TNFRSF13C: variants seen among roughly 807,000 people sequenced by gnomAD.
TNFRSF13C encodes the protein tumor necrosis factor receptor superfamily member 13C.
TNFRSF13C carries 7 observed loss-of-function variants against 12.1 expected under a neutral mutation model. The observed-to-expected ratio is 0.58, with a 90% CI of 0.33 to 1.08. The LOEUF (loss-of-function observed/expected upper bound fraction) is 1.08, where lower values mean the gene tolerates loss of function less well. Among genes scored for constraint, TNFRSF13C ranks in the 50% least tolerant of loss-of-function variants. The pLI is 0.04. For missense variants in TNFRSF13C, 260 were observed against 265.9 expected (o/e 0.98, Z 0.15); for synonymous variants, 157 against 130.8 (o/e 1.20, Z -1.37).
chr22:41,926,658 C>G lies in TNFRSF13C; in HGVS notation c.116G>C (p.Arg39Pro). Residue 39 changes from arginine (R) to proline (P), a missense_variant, in exon 1 of 3, where the codon CGC (arginine) becomes CCC (proline). By Grantham distance (103) the Arg-to-Pro change is moderately radical (BLOSUM62 -2). Coordinates refer to ENST00000291232, the MANE Select transcript of TNFRSF13C (RefSeq NM_052945.4). The surrounding 1 kb of genome is among the most constrained non-coding windows in gnomAD (Gnocchi z 4.9). ...VRHCVACGLL[R>P]TPRPKPAGAS... ...CTTACCCGGTTTCGGCCGCGGCGTGCGCAGGAGCCCGCAGGCCACGCAGTG... is the reference window on the plus strand; with the variant it reads ...CTTACCCGGTTTCGGCCGCGGCGTGGGCAGGAGCCCGCAGGCCACGCAGTG... 2 of 1,461,698 alleles carry G rather than the reference C, an allele frequency of 1.4e-6. No homozygotes were observed. The highest frequency in any genetic ancestry group is 9.0e-7 in the Non-Finnish European group (1 of 1,111,948). 90.5% of individuals were successfully genotyped at this position (1,461,698 alleles called of 1,614,324 possible). A position where few individuals can be genotyped will look rare whatever the true frequency, so the allele number is the denominator to read the frequency against.
chr22:41,925,733 A>G (rs948011192), intron 2 of TNFRSF13C, among the ~76,000 whole-genome samples, 179 bp from the exon 3 acceptor site: 1 of 151,922 alleles, frequency 6.6e-6, no homozygotes, highest in Admixed American at 6.5e-5. Context: ...CAGGGCAGGG[A>G]GTTGGGGAGC....
Position 41,926,631 on chromosome 22 carries a change from C to G in TNFRSF13C, c.136+7G>C. 1 of 1,457,624 alleles carries G rather than the reference C, an allele frequency of 6.9e-7. No homozygotes were observed. Among genetic ancestry groups the G allele is most frequent in the Non-Finnish European group, 9.0e-7 (1 of 1,109,978 alleles). The allele number at this position is 1,457,624 out of a possible 1,614,324, so 90.3% of individuals were successfully genotyped here. A position where few individuals can be genotyped will look rare whatever the true frequency, so the allele number is the denominator to read the frequency against. On this transcript the variant is annotated splice_region_variant and intron_variant, in intron 1 of 2. Transcript: ENST00000291232. This position sits in a 1 kb window ranked among gnomAD's most constrained non-coding sequence, Gnocchi z 4.9. ...CCGGCGCCGCGCGCCCCGTGGGTCC[C>G]CCTTACCCGGTTTCGGCCGCGGCGT...
rs1188798277 is a variant in TNFRSF13C, at chr22:41,923,860, ATGGCATCTTAGGTTC to A, written c.*1492_*1506del. ...TCTGGAAGCTGCCACTGGGGTCAAA[ATGGCATCTTAGGTTC>A]TGGCAGATTGGGCCAATCTCAGGGT... On this transcript the variant is annotated 3_prime_UTR_variant, in exon 3 of 3. Transcript: ENST00000291232. 6.6e-6 allele frequency: 1 copy of A among 152,158 alleles called. No homozygotes were observed. Among genetic ancestry groups the A allele is most frequent in the East Asian group, 1.9e-4 (1 of 5,174 alleles). The allele number at this position is 152,158 out of a possible 1,614,324, so 9.4% of individuals were successfully genotyped here. A position where few individuals can be genotyped will look rare whatever the true frequency, so the allele number is the denominator to read the frequency against.
Position 41,926,413 on chromosome 22 carries a change from A to C in TNFRSF13C, c.137-82T>G. The C allele has an allele frequency of 2.4e-6, 1 of 422,654 alleles. No individual in the cohort carries two copies. The highest frequency in any genetic ancestry group is 3.0e-6 in the Non-Finnish European group (1 of 329,856). The allele number at this position is 422,654 out of a possible 1,614,324, so 26.2% of individuals were successfully genotyped here. On this transcript the variant is annotated intron_variant, in intron 1 of 2. Transcript: ENST00000291232. The surrounding 1 kb of genome is among the most constrained non-coding windows in gnomAD (Gnocchi z 4.9). ...GGACGGGGAGGGGCGGAGGGGGGCG[A>C]GGCTGGCCGGGGAGGGGAGGGACAG...
Position 41,926,032 on chromosome 22 carries a change from C to T in TNFRSF13C, c.367+69G>A. ...TCCCCCTCAGGGGCCATGCATCTCC[C>T]CCTAGACCGTCCCGACACCCCAGCC... On this transcript the variant is annotated intron_variant, in intron 2 of 2. Coordinates refer to ENST00000291232, the MANE Select transcript of TNFRSF13C (RefSeq NM_052945.4). This position sits in a 1 kb window ranked among gnomAD's most constrained non-coding sequence, Gnocchi z 4.9. The T allele has an allele frequency of 6.3e-7, 1 of 1,592,592 alleles. No homozygotes were observed. The highest frequency in any genetic ancestry group is 8.6e-7 in the Non-Finnish European group (1 of 1,165,764).
intron 2 of TNFRSF13C, 75 bp from the exon 3 acceptor site, chr22:41,925,629 G>T (rs1375986998): frequency 6.4e-7 from 1 of 1,568,918 alleles, no homozygotes; most frequent in African/African-American, 1.3e-5. Flanking sequence ...TCCTCTGGAG[G>T]GGCAGTCCTC....
Position 41,926,277 on chromosome 22 carries a change from C to A in TNFRSF13C, c.191G>T (p.Gly64Val), listed in dbSNP as rs547352394. The A allele has an allele frequency of 0.01, 15,399 of 1,488,228 alleles. 125 individuals are homozygous for A. The highest frequency in any genetic ancestry group is 0.02 in the Middle Eastern group (93 of 4,570). The allele number at this position is 1,488,228 out of a possible 1,614,324, so 92.2% of individuals were successfully genotyped here. A position where few individuals can be genotyped will look rare whatever the true frequency, so the allele number is the denominator to read the frequency against. Residue 64 changes from glycine (G) to valine (V), a missense_variant, in exon 2 of 3, where the codon GGC becomes GTC. Physicochemically the swap from Gly to Val is moderately radical, Grantham distance 109. Coordinates refer to ENST00000291232, the MANE Select transcript of TNFRSF13C (RefSeq NM_052945.4). The surrounding 1 kb of genome is among the most constrained non-coding windows in gnomAD (Gnocchi z 4.9). The stretch of plus-strand genomic sequence containing the variant: ...CAGCGCCGCCTCGCCGGCCCCCGCG[C>A]CCACCGACTCCTGCGGCTGCAGCGC... The part of the protein sequence containing the change: ...RTALQPQESV[G>V]AGAGEAALPL...
At chr22:41,925,681 T>C (rs2077625390) in intron 2 of TNFRSF13C, 127 bp from the exon 3 acceptor site, 1 of 1,170,288 alleles carries the variant, frequency 8.5e-7, no homozygotes, top group Non-Finnish European at 1.2e-6. Flanking sequence ...GGGTGGCACC[T>C]GGCTGACCCT....
In TNFRSF13C at chr22:41,926,025, C is replaced by G; in HGVS notation, c.367+76G>C. On this transcript the variant is annotated intron_variant, in intron 2 of 2. Transcript: ENST00000291232. This position sits in a 1 kb window ranked among gnomAD's most constrained non-coding sequence, Gnocchi z 4.9. ...CCTTCTCTCCCCCTCAGGGGCCATG[C>G]ATCTCCCCCTAGACCGTCCCGACAC... 5.7e-6 allele frequency: 9 copies of G among 1,567,628 alleles called. No individual in the cohort carries two copies. Among genetic ancestry groups the G allele is most frequent in the Non-Finnish European group, 7.9e-6 (9 of 1,145,032 alleles).
rs1375613610 is a variant in TNFRSF13C at position 41,924,879 on chromosome 22, G to A, written c.*488C>T. On this transcript the variant is annotated 3_prime_UTR_variant, in exon 3 of 3. Transcript: ENST00000291232. ...AGGCAGGAGAATCACTTGAACCAAG[G>A]AGTCGGAGGTTACAGTGAGGCGAGA... The A allele has an allele frequency of 6.9e-6, 1 of 145,928 alleles. No homozygotes were observed. The highest frequency in any genetic ancestry group is 2.6e-5 in the African/African-American group (1 of 38,752). 9.0% of individuals were successfully genotyped at this position (145,928 alleles called of 1,614,324 possible). A position where few individuals can be genotyped will look rare whatever the true frequency, so the allele number is the denominator to read the frequency against.
rs2077615172 is a variant in TNFRSF13C, at chr22:41,923,555, G to A, written c.*1812C>T. ...AGGATGGCCAAATAAGCCCAGCACTGGGGGGCCAGTGCTTCAGGGGAACAA... is the reference window on the plus strand; with the variant it reads ...AGGATGGCCAAATAAGCCCAGCACTAGGGGGCCAGTGCTTCAGGGGAACAA... On this transcript the variant is annotated 3_prime_UTR_variant, in exon 3 of 3. Transcript: ENST00000291232. 1.3e-5 allele frequency: 2 copies of A among 152,358 alleles called. No homozygotes were observed. Among genetic ancestry groups the A allele is most frequent in the Admixed American group, 6.6e-5 (1 of 15,254 alleles). 9.4% of individuals were successfully genotyped at this position (152,358 alleles called of 1,614,324 possible). A position where few individuals can be genotyped will look rare whatever the true frequency, so the allele number is the denominator to read the frequency against.
Position 41,925,519 on chromosome 22 carries a change from G to C in TNFRSF13C, c.403C>G (p.Pro135Ala), listed in dbSNP as rs1385697615. 1 of 1,613,286 alleles carries C rather than the reference G, an allele frequency of 6.2e-7. No homozygotes were observed. Among genetic ancestry groups the C allele is most frequent in the African/African-American group, 1.3e-5 (1 of 74,918 alleles). Residue 135 changes from proline to alanine, a missense_variant, in exon 3 of 3, where the codon CCG becomes GCG. Coordinates refer to ENST00000291232, the MANE Select transcript of TNFRSF13C (RefSeq NM_052945.4). The stretch of plus-strand genomic sequence containing the variant: ...GGAGCTGTGGCATCAGAGATTCCCG[G>C]AGACAGAATGATGACCTTGTCCAGG... Reference protein sequence around the residue: ...EPLDKVIILSPGISDATAPAW... With the variant: ...EPLDKVIILSAGISDATAPAW...
In TNFRSF13C at chr22:41,926,663, G is replaced by C. The variant is rs1385097676; in HGVS notation, c.111C>G (p.Leu37=). 1 of 1,463,116 alleles carries C rather than the reference G, an allele frequency of 6.8e-7. No homozygotes were observed. Among genetic ancestry groups the C allele is most frequent in the Non-Finnish European group, 9.0e-7 (1 of 1,112,736 alleles). 90.6% of individuals were successfully genotyped at this position (1,463,116 alleles called of 1,614,324 possible). A position where few individuals can be genotyped will look rare whatever the true frequency, so the allele number is the denominator to read the frequency against. ...LLVRHCVACG[L]LRTPRPKPAG... The stretch of plus-strand genomic sequence containing the variant: ...CCGGTTTCGGCCGCGGCGTGCGCAG[G>C]AGCCCGCAGGCCACGCAGTGGCGGA... The change falls in exon 1 of 3, where the codon CTC becomes CTG. Residue 37 remains leucine, a synonymous_variant. Coordinates refer to ENST00000291232, the MANE Select transcript of TNFRSF13C (RefSeq NM_052945.4). The surrounding 1 kb of genome is among the most constrained non-coding windows in gnomAD (Gnocchi z 4.9).
In TNFRSF13C at chr22:41,925,183, A is replaced by T; in HGVS notation, c.*184T>A. 6.0e-6 allele frequency: 4 copies of T among 663,410 alleles called. No individual in the cohort carries two copies. Among genetic ancestry groups the T allele is most frequent in the Non-Finnish European group, 7.5e-6 (3 of 401,858 alleles). The allele number at this position is 663,410 out of a possible 1,614,324, so 41.1% of individuals were successfully genotyped here. On this transcript the variant is annotated 3_prime_UTR_variant, in exon 3 of 3. Coordinates refer to ENST00000291232, the MANE Select transcript of TNFRSF13C (RefSeq NM_052945.4). ...CAAAGATGGTGAGGTCTGAAGCCAA[A>T]GGCAAGCACACCAAACTCCATGGGG...
In TNFRSF13C at chr22:41,924,013, T is replaced by C. The variant is rs1230346004; in HGVS notation, c.*1354A>G. 6.6e-6 allele frequency: 1 copy of C among 152,176 alleles called. No individual in the cohort carries two copies. Among genetic ancestry groups the C allele is most frequent in the East Asian group, 1.9e-4 (1 of 5,198 alleles). The allele number at this position is 152,176 out of a possible 1,614,324, so 9.4% of individuals were successfully genotyped here. A position where few individuals can be genotyped will look rare whatever the true frequency, so the allele number is the denominator to read the frequency against. On this transcript the variant is annotated 3_prime_UTR_variant, in exon 3 of 3. Transcript: ENST00000291232. ...ATCCCAAAGCAAGCGAACCCATGAA[T>C]TGATTATTCACTGCTGCCATTTGCA...
chr22:41,926,338 C>A lies in TNFRSF13C; in HGVS notation c.137-7G>T. 1 of 1,160,216 alleles carries A rather than the reference C, an allele frequency of 8.6e-7. No individual in the cohort carries two copies. The allele number at this position is 1,160,216 out of a possible 1,614,324, so 71.9% of individuals were successfully genotyped here. ...GCAGGGCTGCTGGCCCCGGCTGCTT[C>A]GGGAGGGGACAGGGAGGGAGGCCAG... On this transcript the variant is annotated splice_region_variant and splice_polypyrimidine_tract_variant and intron_variant, in intron 1 of 2. Transcript: ENST00000291232. The surrounding 1 kb of genome is among the most constrained non-coding windows in gnomAD (Gnocchi z 4.9).
chr22:41,926,097 T>G lies in TNFRSF13C; in HGVS notation c.367+4A>C. The G allele has an allele frequency of 6.2e-7, 1 of 1,612,462 alleles. No individual in the cohort carries two copies. The highest frequency in any genetic ancestry group is 8.5e-7 in the Non-Finnish European group (1 of 1,179,798). ...AGACTGGTTCCCCTACACACGGAAC[T>G]CACCGTCCTTGTCTCCGTCGGGGGC... On this transcript the variant is annotated splice_donor_region_variant and intron_variant, in intron 2 of 2. Coordinates refer to ENST00000291232, the MANE Select transcript of TNFRSF13C (RefSeq NM_052945.4). The surrounding 1 kb of genome is among the most constrained non-coding windows in gnomAD (Gnocchi z 4.9).
rs2077614843 is a variant in TNFRSF13C at position 41,923,477 on chromosome 22, T to C, written c.*1890A>G. The C allele has an allele frequency of 6.5e-6, 1 of 153,586 alleles. No homozygotes were observed. Among genetic ancestry groups the C allele is most frequent in the Non-Finnish European group, 1.5e-5 (1 of 68,340 alleles). 9.5% of individuals were successfully genotyped at this position (153,586 alleles called of 1,614,324 possible). On this transcript the variant is annotated 3_prime_UTR_variant, in exon 3 of 3. Coordinates refer to ENST00000291232, the MANE Select transcript of TNFRSF13C (RefSeq NM_052945.4). Reference sequence around the variant, plus strand: ...GACCCCAGAGCAAGGAACACCATTGTAAGAGGAGGGAGCAGCTTCCACTGT... The same window carrying C: ...GACCCCAGAGCAAGGAACACCATTGCAAGAGGAGGGAGCAGCTTCCACTGT...
At position 41,926,287 on chromosome 22, in the gene TNFRSF13C, C is replaced by T. The variant is rs1052712048; in HGVS notation, c.181G>A (p.Glu61Lys). 24 of 1,484,982 alleles carry T rather than the reference C, an allele frequency of 1.6e-5. No individual in the cohort carries two copies. Among genetic ancestry groups the T allele is most frequent in the African/African-American group, 1.0e-4 (7 of 68,088 alleles). The allele number at this position is 1,484,982 out of a possible 1,614,324, so 92.0% of individuals were successfully genotyped here. Residue 61 changes from glutamate to lysine, a missense_variant, in exon 2 of 3, where the codon GAG becomes AAG. Transcript: ENST00000291232. This position sits in a 1 kb window ranked among gnomAD's most constrained non-coding sequence, Gnocchi z 4.9. ...TCGCCGGCCCCCGCGCCCACCGACT[C>T]CTGCGGCTGCAGCGCCGTCCTGGGC... ...PAPRTALQPQESVGAGAGEAA... is the reference protein window; with the variant it reads ...PAPRTALQPQKSVGAGAGEAA...
Sources: allele counts gnomAD v4.1 joint callset (sites outside exome capture counted in the v4.1 genomes callset), GRCh38; gene constraint gnomAD v4.1.1; non-coding constraint Gnocchi (gnomAD v3.1); transcripts MANE v1.5; gene names NCBI Gene and HGNC (gene_info 2026-07-23, HGNC 2026-07-21).